DLG2: variants seen among roughly 807,000 people sequenced by gnomAD.
The protein encoded by DLG2 is disks large homolog 2.
A neutral mutation model predicts 132.5 loss-of-function variants in DLG2; 45 were observed. The observed-to-expected ratio is 0.34, with a 90% CI of 0.27 to 0.44. The LOEUF (loss-of-function observed/expected upper bound fraction) is 0.44. Among genes scored for constraint, DLG2 ranks in the 20% least tolerant of loss-of-function variants. The probability of loss-of-function intolerance (pLI) is 1.00; values close to 1 mark genes in which losing one functional copy is unlikely to be tolerated. For missense variants in DLG2, 1,045 were observed against 1,196.9 expected, an observed-to-expected ratio of 0.87 and a Z score of 1.87; for synonymous variants, 424 against 419.6, an observed-to-expected ratio of 1.01 and a Z score of -0.13.
Position 85,552,095 on chromosome 11 carries a change from GAAAAAAA to G in DLG2, c.40+46555_40+46561del, listed in dbSNP as rs764172663. Among the ~76,000 whole-genome samples the G allele has an allele frequency of 5.8e-3, 375 of 64,234 alleles. 7 individuals are homozygous for G. The highest frequency in any genetic ancestry group is 0.047 in the Middle Eastern group (5 of 106). 42.1% of individuals were successfully genotyped at this position (64,234 alleles called of 152,430 possible). ...CCTATTCATGAAATGGGACTTAAAA[GAAAAAAA>G]AAAAAAAAAAAGGCTTCAGCATGCA... On this transcript the variant is annotated intron_variant, in intron 3 of 27. Coordinates refer to ENST00000376104, the MANE Select transcript of DLG2 (RefSeq NM_001142699.3).
chr11:83,856,597 T>G (rs2060569648), intron 16 of DLG2, among the ~76,000 whole-genome samples: 1 of 152,208 alleles, frequency 6.6e-6, no homozygotes, highest in Non-Finnish European at 1.5e-5. Flanking sequence ...GATGTTGACC[T>G]TTATTTTCAT....
chr11:84,192,142 G>A lies in DLG2; in HGVS notation c.574-28631C>T, dbSNP rs2154291676. Among the ~76,000 whole-genome samples, 2 of 152,274 alleles carry A rather than the reference G, an allele frequency of 1.3e-5. 1 individual carries two copies. Among genetic ancestry groups the A allele is most frequent in the South Asian group, 4.1e-4 (2 of 4,824 alleles). On this transcript the variant is annotated intron_variant, in intron 8 of 27. Coordinates refer to ENST00000376104, the MANE Select transcript of DLG2 (RefSeq NM_001142699.3). ...AATGTGATACAGAAGATAAGGAAAAGAGGACAAATATTCTCCACCCCAAGG... is the reference window on the plus strand; with the variant it reads ...AATGTGATACAGAAGATAAGGAAAAAAGGACAAATATTCTCCACCCCAAGG...
At chr11:84,961,343 A>G (rs970787138) in intron 6 of DLG2, among the ~76,000 whole-genome samples, 1 of 152,014 alleles carries the variant, frequency 6.6e-6, no homozygotes, top group African/African-American at 2.4e-5. Flanking sequence ...AGCTATTTGT[A>G]GCAAAAATAC....
In DLG2 at chr11:84,417,474, A is replaced by G. The variant is rs12575662; in HGVS notation, c.519+117096T>C. On this transcript the variant is annotated intron_variant, in intron 7 of 27. Coordinates refer to ENST00000376104, the MANE Select transcript of DLG2 (RefSeq NM_001142699.3). ...CCCAAACTATCACAGCCTTCTTTAA[A>G]TCATACATAGTCCCTCATCGGTACT... Among the ~76,000 whole-genome samples the G allele has an allele frequency of 0.011, 1,658 of 152,212 alleles. 98 individuals carry two copies. The East Asian group carries it at 0.17, about 15-fold the overall frequency.
chr11:84,627,016 T>C (rs2099623928), intron 6 of DLG2, among the ~76,000 whole-genome samples: 1 of 151,928 alleles, frequency 6.6e-6, no homozygotes, highest in South Asian at 2.1e-4. Flanking sequence ...GGATTACAGA[T>C]GCCCGCCACC....
chr11:83,805,870 G>A (rs2045773684), intron 17 of DLG2, among the ~76,000 whole-genome samples: 1 of 152,106 alleles, frequency 6.6e-6, no homozygotes, highest in South Asian at 2.1e-4. Flanking sequence ...TATCATTGGT[G>A]GAAAAAGTGA....
chr11:85,146,109 C>T (rs1182051546), intron 5 of DLG2, among the ~76,000 whole-genome samples: 1 of 152,052 alleles, frequency 6.6e-6, no homozygotes, highest in Non-Finnish European at 1.5e-5. Flanking sequence ...GAGGTACCAC[C>T]TTGGTAGGCT....
intron 18 of DLG2, among the ~76,000 whole-genome samples, chr11:83,765,618 T>C (rs1309298617): frequency 6.6e-6 from 1 of 152,248 alleles, no homozygotes; most frequent in African/African-American, 2.4e-5. Context: ...AGATATTTAA[T>C]GCAGCATTAG....
chr11:84,038,921 A>G (rs1005913329), intron 11 of DLG2, among the ~76,000 whole-genome samples: 25 of 152,000 alleles, frequency 1.6e-4, no homozygotes, highest in African/African-American at 6.0e-4. Context: ...AACTCACTCA[A>G]TATCACTGGA....
At chr11:85,455,464 T>C (rs2092391157) in intron 3 of DLG2, among the ~76,000 whole-genome samples, 2 of 152,206 alleles carry the variant, frequency 1.3e-5, no homozygotes, top group Non-Finnish European at 2.9e-5. Flanking sequence ...TCATGTCATC[T>C]GCAAGCAGGG....
At chr11:85,354,718 A>C (rs1414636850) in intron 3 of DLG2, among the ~76,000 whole-genome samples, 3 of 151,610 alleles carry the variant, frequency 2.0e-5, no homozygotes, top group African/African-American at 7.3e-5. Flanking sequence ...CTGATTTCCA[A>C]CGTCACTGTT....
At chr11:84,730,686 T>G (rs559267474) in intron 6 of DLG2, among the ~76,000 whole-genome samples, 16 of 152,008 alleles carry the variant, frequency 1.1e-4, no homozygotes, top group Non-Finnish European at 2.4e-4. Context: ...CTACTACAAA[T>G]AGATTTTCCT....
At chr11:84,422,684 A>C (rs1470649719) in intron 7 of DLG2, among the ~76,000 whole-genome samples, 1 of 152,212 alleles carries the variant, frequency 6.6e-6, no homozygotes, top group South Asian at 2.1e-4. Flanking sequence ...ATATATACTA[A>C]GGAAGAATTT....
chr11:83,962,925 G>C lies in DLG2; in HGVS notation c.1300C>G (p.Pro434Ala), dbSNP rs536832022. Residue 434 changes from proline (P) to alanine (A), a missense_variant, in exon 14 of 28, where the codon CCA (proline) becomes GCA (alanine). Pro to Ala is a conservative substitution (Grantham distance 27). Around this residue, in one of 4 missense-constraint regions of DLG2, gnomAD observed 261 missense variants for 256.1 expected, o/e 1.02. Coordinates refer to ENST00000376104, the MANE Select transcript of DLG2 (RefSeq NM_001142699.3). The stretch of plus-strand genomic sequence containing the variant: ...TCAACAAGCATGTGCTTTGGAATTG[G>C]TGAGTACCTTCCTGGAGAGATGGGT... ...LPPISPGRYS[P>A]IPKHMLVDDD... 2.4e-5 allele frequency: 39 copies of C among 1,613,194 alleles called. No homozygotes were observed. In the South Asian group the frequency reaches 4.0e-4, roughly 16 times the overall value.
chr11:84,419,581 A>G (rs1567585995), intron 7 of DLG2, among the ~76,000 whole-genome samples: 2 of 152,186 alleles, frequency 1.3e-5, no homozygotes, highest in Admixed American at 6.5e-5. Context: ...TTCAAGACAG[A>G]CACACAGAAA....
intron 6 of DLG2, among the ~76,000 whole-genome samples, chr11:84,785,562 G>C (rs61897874): frequency 0.27 from 40,438 of 151,856 alleles, 5,932 homozygotes; most frequent in Middle Eastern, 0.32. Context: ...ACTATAAAGA[G>C]AAATTTCATT....
intron 5 of DLG2, among the ~76,000 whole-genome samples, chr11:85,142,619 A>G (rs2076570926): frequency 6.6e-6 from 1 of 151,716 alleles, no homozygotes; most frequent in Admixed American, 6.6e-5. Context: ...AGTGGTAAAA[A>G]TGGGCATCCT....
At chr11:83,972,940 T>G (rs577668650) in intron 12 of DLG2, among the ~76,000 whole-genome samples, 1 of 152,222 alleles carries the variant, frequency 6.6e-6, no homozygotes, top group South Asian at 2.1e-4. Context: ...TCATTAATCA[T>G]TAATTCATTT....
At chr11:84,870,801 T>C (rs1337489727) in intron 6 of DLG2, among the ~76,000 whole-genome samples, 2 of 152,232 alleles carry the variant, frequency 1.3e-5, no homozygotes, top group African/African-American at 2.4e-5. Flanking sequence ...AGACTATTAA[T>C]ATCATCCTCT....
Sources: allele counts gnomAD v4.1 joint callset (sites outside exome capture counted in the v4.1 genomes callset), GRCh38; gene constraint gnomAD v4.1.1; regional missense constraint gnomAD v4.1.1; transcripts MANE v1.5; gene names NCBI Gene and HGNC (gene_info 2026-07-23, HGNC 2026-07-21).